AGBL4: variants seen among roughly 807,000 people sequenced by gnomAD.
The protein encoded by AGBL4 is cytosolic carboxypeptidase 6.
A neutral mutation model predicts 66.4 loss-of-function variants in AGBL4; 58 were observed. That is an observed-to-expected ratio of 0.87 (90% CI 0.71 to 1.09). The LOEUF (loss-of-function observed/expected upper bound fraction) is 1.09. Among genes scored for constraint, AGBL4 ranks in the 50% least tolerant of loss-of-function variants. The pLI is 0.00. For synonymous variants in AGBL4, 234 were observed against 222.9 expected, an observed-to-expected ratio of 1.05 and a Z score of -0.44; for missense variants, 579 against 631.0, an observed-to-expected ratio of 0.92 and a Z score of 0.88.
chr1:49,469,701 A>G (rs1291254604), intron 3 of AGBL4: 1 of 151,908 alleles, frequency 6.6e-6, no homozygotes, highest in Non-Finnish European at 1.5e-5. Context: ...TAAAATTATC[A>G]TTGAACCAGT....
At chr1:49,165,296 G>T (rs924843873) in intron 4 of AGBL4, among the ~76,000 whole-genome samples, 31 of 152,112 alleles carry the variant, frequency 2.0e-4, no homozygotes, top group African/African-American at 7.0e-4. Flanking sequence ...AAGTCATAAA[G>T]AAAATAATAT....
intron 3 of AGBL4, among the ~76,000 whole-genome samples, chr1:49,554,798 G>A (rs1653276064): frequency 6.6e-6 from 1 of 152,138 alleles, no homozygotes; most frequent in South Asian, 2.1e-4. Context: ...CTTCTGGTGG[G>A]TTCATGATCT....
chr1:49,325,569 T>C (rs1458285331), intron 3 of AGBL4, among the ~76,000 whole-genome samples: 1 of 152,234 alleles, frequency 6.6e-6, no homozygotes, highest in East Asian at 1.9e-4. Context: ...TTCCTTCCTG[T>C]GGCTCTGAGA....
chr1:49,705,521 AC>A (rs1218407206), intron 2 of AGBL4, among the ~76,000 whole-genome samples: 3 of 152,220 alleles, frequency 2.0e-5, no homozygotes, highest in African/African-American at 4.8e-5. Context: ...CTATTTGAAT[AC>A]CCTTTTTATT....
chr1:48,756,375 T>C (rs1643927085), intron 6 of AGBL4, among the ~76,000 whole-genome samples: 2 of 152,222 alleles, frequency 1.3e-5, no homozygotes, highest in Admixed American at 6.5e-5. Flanking sequence ...ATTTATGTAC[T>C]GTGCTGTCAT....
intron 3 of AGBL4, among the ~76,000 whole-genome samples, chr1:49,472,967 G>A (rs1254498236): frequency 1.3e-5 from 2 of 151,920 alleles, no homozygotes; most frequent in Non-Finnish European, 2.9e-5. Context: ...GTGGCCTCCA[G>A]GTGCATCCAT....
At position 49,486,227 on chromosome 1, in the gene AGBL4, T is replaced by C. The variant is rs566669798; in HGVS notation, c.282+211086A>G. ...AATATGTACAAAATTTACTCTCAAT[T>C]ACCTTTACGGAAATACAGAGAATCT... is the stretch of plus-strand genomic sequence containing the variant. On this transcript the variant is annotated intron_variant, in intron 3 of 13. Coordinates refer to ENST00000371839, the MANE Select transcript of AGBL4 (RefSeq NM_032785.4). Among the ~76,000 whole-genome samples, 81 of 152,164 alleles carry C rather than the reference T, an allele frequency of 5.3e-4. 1 individual carries two copies. The highest frequency in any genetic ancestry group is 9.9e-4 in the Non-Finnish European group (67 of 67,982).
At chr1:49,651,887 T>C (rs1418221620) in intron 3 of AGBL4, among the ~76,000 whole-genome samples, 1 of 151,926 alleles carries the variant, frequency 6.6e-6, no homozygotes, top group East Asian at 1.9e-4. Flanking sequence ...AAATGATGAT[T>C]AAGAATTCAA....
intron 5 of AGBL4, among the ~76,000 whole-genome samples, chr1:49,026,255 T>C (rs934019874): frequency 6.6e-6 from 1 of 152,198 alleles, no homozygotes; most frequent in Non-Finnish European, 1.5e-5. Flanking sequence ...GTCTCAGCTC[T>C]TGTTTGTTCT....
chr1:48,932,581 G>A (rs1282364162), intron 5 of AGBL4, among the ~76,000 whole-genome samples: 1 of 152,092 alleles, frequency 6.6e-6, no homozygotes, highest in East Asian at 1.9e-4. Flanking sequence ...CAGTTGCCAG[G>A]GAAACTGTGT....
intron 3 of AGBL4, among the ~76,000 whole-genome samples, chr1:49,318,092 A>T (rs1411403955): frequency 6.6e-6 from 1 of 152,012 alleles, no homozygotes; most frequent in East Asian, 1.9e-4. Context: ...TTGCAGAATG[A>T]CAGAAAAGTA....
intron 4 of AGBL4, among the ~76,000 whole-genome samples, chr1:49,140,479 C>T (rs915591965): frequency 2.0e-5 from 3 of 152,214 alleles, no homozygotes; most frequent in Admixed American, 2.0e-4. Context: ...CTTTTTAAGA[C>T]AGTGTATTCA....
intron 1 of AGBL4, among the ~76,000 whole-genome samples, chr1:49,959,823 C>CAT (rs1656974603): frequency 6.6e-6 from 1 of 152,006 alleles, no homozygotes; most frequent in Non-Finnish European, 1.5e-5. Flanking sequence ...AAATGTGGTA[C>CAT]ATATAAACCA....
At chr1:49,860,641 G>A (rs549847416) in intron 1 of AGBL4, among the ~76,000 whole-genome samples, 17 of 152,142 alleles carry the variant, frequency 1.1e-4, no homozygotes, top group Non-Finnish European at 2.5e-4. Context: ...CGAGACTGCA[G>A]TGAGCCGTGA....
chr1:49,503,592 A>G (rs1390177289), intron 3 of AGBL4, among the ~76,000 whole-genome samples: 1 of 152,202 alleles, frequency 6.6e-6, no homozygotes, highest in Non-Finnish European at 1.5e-5. Context: ...CCACAGGGGC[A>G]GAGCTGCCCA....
intron 3 of AGBL4, among the ~76,000 whole-genome samples, chr1:49,363,125 G>A (rs1570527026): frequency 6.6e-6 from 1 of 152,098 alleles, no homozygotes. Flanking sequence ...GAAGCGAGAA[G>A]ACTAAAGACA....
At chr1:48,963,681 T>A (rs1658189593) in intron 5 of AGBL4, among the ~76,000 whole-genome samples, 1 of 152,038 alleles carries the variant, frequency 6.6e-6, no homozygotes, top group Admixed American at 6.6e-5. Flanking sequence ...CCTCACAGCA[T>A]CCCTTCTACT....
chr1:49,375,854 C>T (rs940322409), intron 3 of AGBL4, among the ~76,000 whole-genome samples: 1 of 152,072 alleles, frequency 6.6e-6, no homozygotes, highest in East Asian at 1.9e-4. Flanking sequence ...CCTTCTCTGC[C>T]TTTCTCGACA....
At chr1:48,789,032 T>G (rs1645475113) in intron 6 of AGBL4, among the ~76,000 whole-genome samples, 1 of 152,196 alleles carries the variant, frequency 6.6e-6, no homozygotes, top group African/African-American at 2.4e-5. Context: ...GCAATTCTGA[T>G]AATAAACTTG....
Sources: gnomAD v4.1 joint callset for allele counts (sites outside exome capture counted in the v4.1 genomes callset) on GRCh38, gnomAD v4.1.1 for gene constraint, MANE v1.5 for transcripts, NCBI Gene and HGNC (gene_info 2026-07-23, HGNC 2026-07-21) for gene names.